The following PPM1L variants were observed in gnomAD, a reference collection of about 807,000 sequenced individuals.
PPM1L encodes the protein protein phosphatase 1L.
Under a neutral mutation model 31.4 loss-of-function variants are expected in PPM1L, and 13 were observed. The ratio of observed to expected loss-of-function variants is 0.41; its 90% confidence interval spans 0.27 to 0.66. The LOEUF (loss-of-function observed/expected upper bound fraction) is 0.66. PPM1L is among the 30% of genes least tolerant of loss of function. The pLI is 0.29. For missense variants in PPM1L, 326 were observed against 453.7 expected, an observed-to-expected ratio of 0.72 and a Z score of 2.56; for synonymous variants, 184 against 175.4, an observed-to-expected ratio of 1.05 and a Z score of -0.39.
intron 1 of PPM1L, among the ~76,000 whole-genome samples, chr3:160,935,468 A>G (rs1714939344): frequency 6.6e-6 from 1 of 152,230 alleles, no homozygotes; most frequent in African/African-American, 2.4e-5. Flanking sequence ...TAGTTAAAAA[A>G]GTAGTGATCC....
intron 1 of PPM1L, among the ~76,000 whole-genome samples, chr3:160,778,151 A>G (rs1467225997): frequency 2.0e-5 from 3 of 151,842 alleles, no homozygotes; most frequent in Non-Finnish European, 2.9e-5. Context: ...ATTGGCCATC[A>G]TTTTATATGC....
At chr3:160,965,540 C>T (rs934969872) in intron 2 of PPM1L, among the ~76,000 whole-genome samples, 3 of 151,916 alleles carry the variant, frequency 2.0e-5, no homozygotes, top group Non-Finnish European at 2.9e-5. Flanking sequence ...GTAAGTGTTC[C>T]GAGCATATAT....
chr3:160,909,008 G>T (rs1191107233), intron 1 of PPM1L, among the ~76,000 whole-genome samples: 1 of 152,258 alleles, frequency 6.6e-6, no homozygotes, highest in African/African-American at 2.4e-5. Flanking sequence ...AATGGCAAGA[G>T]TGAAGGGTGT....
intron 1 of PPM1L, among the ~76,000 whole-genome samples, chr3:160,939,305 A>G (rs570653634): frequency 6.6e-6 from 1 of 151,990 alleles, no homozygotes; most frequent in South Asian, 2.1e-4. Context: ...AACCCCAAAT[A>G]TCCATGTTTT....
intron 1 of PPM1L, among the ~76,000 whole-genome samples, chr3:160,952,454 A>G (rs1049153919): frequency 2.6e-5 from 4 of 152,208 alleles, no homozygotes; most frequent in African/African-American, 9.7e-5. Flanking sequence ...AAGGATTCCC[A>G]TGATAATCTC....
intron 1 of PPM1L, among the ~76,000 whole-genome samples, chr3:160,826,321 G>A (rs538372867): frequency 1.4e-4 from 21 of 152,272 alleles, no homozygotes; most frequent in African/African-American, 4.8e-4. Context: ...TTTGGCCCAT[G>A]GCTCAGAATG....
rs760907219 is a variant in PPM1L at position 161,031,502 on chromosome 3, C to CTTTTTT, written c.575-33890_575-33885dup. Among the ~76,000 whole-genome samples, 101 of 101,666 alleles carry CTTTTTT rather than the reference C, an allele frequency of 9.9e-4. 12 individuals are homozygous for CTTTTTT. The highest frequency in any genetic ancestry group is 3.7e-3 in the African/African-American group (84 of 22,842). The allele number at this position is 101,666 out of a possible 152,430, so 66.7% of individuals were successfully genotyped here. A position where few individuals can be genotyped will look rare whatever the true frequency, so the allele number is the denominator to read the frequency against. ...GTGAATGGCAGCTATGTATTCTGTC[C>CTTTTTT]TTTTTTTTTTTTTTTTGAGAGAGAG... On this transcript the variant is annotated intron_variant, in intron 2 of 3. Coordinates refer to ENST00000498165, the MANE Select transcript of PPM1L (RefSeq NM_139245.4).
At chr3:160,935,909 AC>A (rs1458349584) in intron 1 of PPM1L, among the ~76,000 whole-genome samples, 2 of 152,182 alleles carry the variant, frequency 1.3e-5, no homozygotes, top group Non-Finnish European at 2.9e-5. Context: ...GTCCTCAGCC[AC>A]CATTGGTCTC....
chr3:160,981,414 C>T (rs941429326), intron 2 of PPM1L, among the ~76,000 whole-genome samples: 3 of 152,166 alleles, frequency 2.0e-5, no homozygotes, highest in African/African-American at 7.2e-5. Context: ...AGGCCTCTTG[C>T]CACATGGCTT....
At chr3:160,781,337 G>C (rs187408178) in intron 1 of PPM1L, among the ~76,000 whole-genome samples, 8 of 152,314 alleles carry the variant, frequency 5.3e-5, no homozygotes, top group Admixed American at 5.2e-4. Context: ...CTGCTGGAAA[G>C]GGATTTCAGT....
intron 1 of PPM1L, among the ~76,000 whole-genome samples, chr3:160,840,770 GAGAA>G (rs1383060997): frequency 1.3e-5 from 2 of 151,232 alleles, no homozygotes; most frequent in East Asian, 2.0e-4. Flanking sequence ...GAGAGAGAGA[GAGAA>G]AGAGAGAGAG....
chr3:160,800,783 G>A (rs1712401683), intron 1 of PPM1L, among the ~76,000 whole-genome samples: 2 of 152,000 alleles, frequency 1.3e-5, no homozygotes, highest in South Asian at 4.1e-4. Flanking sequence ...GATTAATAAT[G>A]TACTCTAAGA....
At chr3:160,844,918 T>TC (rs1218534490) in intron 1 of PPM1L, among the ~76,000 whole-genome samples, 3 of 152,050 alleles carry the variant, frequency 2.0e-5, no homozygotes, top group Non-Finnish European at 4.4e-5. Flanking sequence ...ATCTTCCTTG[T>TC]CCCCCCAACC....
chr3:160,941,158 C>T (rs1715150108), intron 1 of PPM1L, among the ~76,000 whole-genome samples: 1 of 152,146 alleles, frequency 6.6e-6, no homozygotes, highest in African/African-American at 2.4e-5. Flanking sequence ...TTACCCAATA[C>T]CTGTACCCAC....
chr3:160,925,446 T>C (rs1302805812), intron 1 of PPM1L, among the ~76,000 whole-genome samples: 2 of 152,216 alleles, frequency 1.3e-5, no homozygotes, highest in South Asian at 2.1e-4. Flanking sequence ...TCAATTGAGT[T>C]TGGCATATTG....
intron 2 of PPM1L, among the ~76,000 whole-genome samples, chr3:161,048,799 A>T (rs1719168451): frequency 6.6e-6 from 1 of 151,896 alleles, no homozygotes; most frequent in Non-Finnish European, 1.5e-5. Context: ...ATGAAGCTGG[A>T]AACCATCATT....
intron 1 of PPM1L, among the ~76,000 whole-genome samples, chr3:160,790,460 G>T (rs571522563): frequency 8.6e-5 from 13 of 152,030 alleles, no homozygotes; most frequent in Non-Finnish European, 1.6e-4. Context: ...ATAAGCTGGG[G>T]AAGGCAAACT....
At chr3:161,003,512 C>T (rs974325649) in intron 2 of PPM1L, among the ~76,000 whole-genome samples, 16 of 151,262 alleles carry the variant, frequency 1.1e-4, no homozygotes, top group African/African-American at 3.4e-4. Flanking sequence ...TCTTTTATTT[C>T]GTTGAGCAGT....
At chr3:160,939,851 T>G (rs1424807538) in intron 1 of PPM1L, 1 of 158,194 alleles carries the variant, frequency 6.3e-6, no homozygotes, top group African/African-American at 2.4e-5. Flanking sequence ...AATGTGGAAG[T>G]GACTTTGGAA....
Sources: allele counts gnomAD v4.1 joint callset (sites outside exome capture counted in the v4.1 genomes callset), GRCh38; gene constraint gnomAD v4.1.1; transcripts MANE v1.5; gene names NCBI Gene and HGNC (gene_info 2026-07-23, HGNC 2026-07-21).